The following MPP2 variants were observed in gnomAD, a reference collection of about 807,000 sequenced individuals.
MPP2 encodes MAGUK p55 subfamily member 2.
A neutral mutation model predicts 58.5 loss-of-function variants in MPP2; 42 were observed. The observed-to-expected ratio is 0.72, with a 90% CI of 0.56 to 0.93. The LOEUF is 0.93. Ranked by LOEUF, MPP2 falls within the 40% of genes least tolerant of loss-of-function variation. The probability of loss-of-function intolerance (pLI) is 0.00; values close to 1 mark genes in which losing one functional copy is unlikely to be tolerated. For missense variants in MPP2, 632 were observed against 760.4 expected, an observed-to-expected ratio of 0.83 and a Z score of 1.99; for synonymous variants, 300 against 307.8, an observed-to-expected ratio of 0.97 and a Z score of 0.26.
At chr17:43,909,514 A>G (rs1289146002), upstream of MPP2, 1 of 1,301,786 alleles carries the variant, frequency 7.7e-7, no homozygotes, top group Non-Finnish European at 1.0e-6. Context: ...ACAAGATATT[A>G]ATTACTTCTT....
At chr17:43,906,080 C>T in intron 1 of MPP2, 14 of 984,938 alleles carry the variant, frequency 1.4e-5, no homozygotes, top group Non-Finnish European at 1.7e-5. Context: ...CCTTGATGAC[C>T]TGGAGCCTTC....
chr17:43,880,047 T>C lies in MPP2; in HGVS notation c.1151-63A>G, dbSNP rs974563623. On this transcript the variant is annotated intron_variant, in intron 10 of 12. Transcript: ENST00000269095. This position sits in a 1 kb window ranked among gnomAD's most constrained non-coding sequence, Gnocchi z 5.2. ...GGCAGGTTACAGTGCCTCAGACACA[T>C]ATATGCACCCCTACCCAGGCCCCCG... 17 of 1,505,972 alleles carry C rather than the reference T, an allele frequency of 1.1e-5. No homozygotes were observed. The East Asian group carries it at 3.2e-4, about 28-fold the overall frequency. 93.3% of individuals were successfully genotyped at this position (1,505,972 alleles called of 1,614,324 possible).
chr17:43,878,690 T>A (rs1248716505), intron 12 of MPP2, among the ~76,000 whole-genome samples: 1 of 152,192 alleles, frequency 6.6e-6, no homozygotes, highest in Non-Finnish European at 1.5e-5. Context: ...GGGGCCGGAA[T>A]GCTGCAGCAC....
chr17:43,881,247 A>G lies in MPP2; in HGVS notation c.916T>C (p.Ser306Pro). The G allele has an allele frequency of 1.2e-6, 2 of 1,613,756 alleles. No individual in the cohort carries two copies. The highest frequency in any genetic ancestry group is 4.5e-5 in the East Asian group (2 of 44,858). ...VKRDLELTPN[S>P]GTLCGSLSGK... is the part of the protein sequence containing the mutation. ...TGGGGTAGGGGGGACCTCCTACCTG[A>G]GTTTGGTGTCAGCTCCAGGTCCCTC... Residue 306 changes from serine (S) to proline (P), a missense_variant, in exon 8 of 13, where the codon TCA becomes CCA. By Grantham distance (74) the Ser-to-Pro change is moderately conservative. Coordinates refer to ENST00000269095, the MANE Select transcript of MPP2 (RefSeq NM_005374.5).
In MPP2 at chr17:43,881,112, C is replaced by T; in HGVS notation, c.966G>A (p.Met322Ile). The T allele has an allele frequency of 6.2e-7, 1 of 1,613,906 alleles. No homozygotes were observed. The highest frequency in any genetic ancestry group is 8.5e-7 in the Non-Finnish European group (1 of 1,179,976). Residue 322 changes from methionine (M) to isoleucine (I), a missense_variant, in exon 9 of 13, where the codon ATG becomes ATA. Coordinates refer to ENST00000269095, the MANE Select transcript of MPP2 (RefSeq NM_005374.5). ...CACCTGCATTCTTGGTGGTCAAATA[C>T]ATCATTCGCTTCTTTTTCTTTCCTG... ...SLSGKKKKRM[M>I]YLTTKNAEFD...
rs752490445 is a variant in MPP2, at chr17:43,883,344, C to G, written c.162G>C (p.Arg54Ser). 10 of 1,611,596 alleles carry G rather than the reference C, an allele frequency of 6.2e-6. No homozygotes were observed. The Middle Eastern group carries it at 1.2e-3, about 186-fold the overall frequency. Reference sequence around the variant, plus strand: ...CGGCCTCCAGCTTCGTCTCCTCCAGCCTCTCATGGGCCTGGGGGTGGAAGC... The same window carrying G: ...CGGCCTCCAGCTTCGTCTCCTCCAGGCTCTCATGGGCCTGGGGGTGGAAGC... ...IVRSLAKAHE[R>S]LEETKLEAVR... is the part of the protein sequence containing the mutation. Residue 54 changes from arginine (R) to serine (S), a missense_variant, in exon 4 of 13, where the codon AGG becomes AGC. By Grantham distance (110) the Arg-to-Ser change is moderately radical. Transcript: ENST00000269095.
chr17:43,877,581 A>T lies in MPP2; in HGVS notation c.*226T>A, dbSNP rs761476970. 3.0e-5 allele frequency: 17 copies of T among 559,710 alleles called. No homozygotes were observed. Among genetic ancestry groups the T allele is most frequent in the Non-Finnish European group, 5.1e-5 (16 of 311,326 alleles). The allele number at this position is 559,710 out of a possible 1,614,324, so 34.7% of individuals were successfully genotyped here. On this transcript the variant is annotated 3_prime_UTR_variant, in exon 13 of 13. Transcript: ENST00000269095. Reference sequence around the variant, plus strand: ...CAGAGATATCTGGTGACCAATGGGCATCAGGAGTGGGCAGCACCTGGGCAC... The same window carrying T: ...CAGAGATATCTGGTGACCAATGGGCTTCAGGAGTGGGCAGCACCTGGGCAC...
At chr17:43,894,938 G>A (rs1773449623) in intron 3 of MPP2, among the ~76,000 whole-genome samples, 1 of 151,688 alleles carries the variant, frequency 6.6e-6, no homozygotes, top group Non-Finnish European at 1.5e-5. Flanking sequence ...ATAAGACCCT[G>A]TCTAAAAAAA....
Position 43,879,290 on chromosome 17 carries a change from G to A in MPP2, c.1467C>T (p.Ser489=). 1 of 1,613,046 alleles carries A rather than the reference G, an allele frequency of 6.2e-7. No homozygotes were observed. The highest frequency in any genetic ancestry group is 8.5e-7 in the Non-Finnish European group (1 of 1,179,110). ...MNRAALESGI[S]TKQLTEADLR... The stretch of plus-strand genomic sequence containing the variant: ...GAGCCCTCACCGTGAGCTGCTTGGT[G>A]GATATTCCACTCTCCAGCGCAGCCC... Residue 489 remains serine (S), a synonymous_variant, in exon 12 of 13, where the codon TCC becomes TCT. Transcript: ENST00000269095. The surrounding 1 kb of genome is among the most constrained non-coding windows in gnomAD (Gnocchi z 4.1).
chr17:43,884,225 G>A lies in MPP2; in HGVS notation c.151-870C>T. 3 of 653,544 alleles carry A rather than the reference G, an allele frequency of 4.6e-6. No individual in the cohort carries two copies. In the South Asian group the frequency reaches 5.2e-5, roughly 11 times the overall value. 40.5% of individuals were successfully genotyped at this position (653,544 alleles called of 1,614,324 possible). Reference sequence around the variant, plus strand: ...AGTCCACATTCAAATGTTCACTCTTGTCCCAAAAGTATCCTTTATAATTTT... The same window carrying A: ...AGTCCACATTCAAATGTTCACTCTTATCCCAAAAGTATCCTTTATAATTTT... On this transcript the variant is annotated intron_variant, in intron 3 of 12. Coordinates refer to ENST00000269095, the MANE Select transcript of MPP2 (RefSeq NM_005374.5).
At chr17:43,885,959 A>G (rs1468941373) in intron 3 of MPP2, among the ~76,000 whole-genome samples, 1 of 151,822 alleles carries the variant, frequency 6.6e-6, no homozygotes, top group Non-Finnish European at 1.5e-5. Flanking sequence ...AAAATACAAA[A>G]TTAGCCGGGC....
intron 2 of MPP2, 53 bp from the exon 3 acceptor site, chr17:43,898,433 A>C (rs1162672369): frequency 1.6e-6 from 2 of 1,236,406 alleles, no homozygotes; most frequent in Non-Finnish European, 2.4e-6. Flanking sequence ...GGTACAGAAG[A>C]CCAAAACACA....
In MPP2 at chr17:43,879,817, C is replaced by G. The variant is rs780044204; in HGVS notation, c.1318G>C (p.Ala440Pro). 2 of 1,613,874 alleles carry G rather than the reference C, an allele frequency of 1.2e-6. No homozygotes were observed. The highest frequency in any genetic ancestry group is 1.7e-4 in the Middle Eastern group (1 of 6,056). Residue 440 changes from alanine to proline, a missense_variant, in exon 11 of 13, where the codon GCT (alanine) becomes CCT (proline). Physicochemically the swap from Ala to Pro is conservative, Grantham distance 27. Coordinates refer to ENST00000269095, the MANE Select transcript of MPP2 (RefSeq NM_005374.5). The surrounding 1 kb of genome is among the most constrained non-coding windows in gnomAD (Gnocchi z 4.1). ...RIDSIRGVVAAGKVCVLDVNP... is the reference protein window; with the variant it reads ...RIDSIRGVVAPGKVCVLDVNP... The stretch of plus-strand genomic sequence containing the variant: ...ACATCCAGCACGCACACCTTCCCAG[C>G]AGCGACCACGCCCCGGATGGAGTCA...
At chr17:43,895,124 T>TTTA (rs2047793019) in intron 3 of MPP2, among the ~76,000 whole-genome samples, 2 of 151,998 alleles carry the variant, frequency 1.3e-5, no homozygotes, top group African/African-American at 4.8e-5. Context: ...TTATTTATTT[T>TTTA]TTTTTTTGAG....
chr17:43,879,129 A>G lies in MPP2; in HGVS notation c.1482+146T>C. 1 of 1,000,722 alleles carries G rather than the reference A, an allele frequency of 1.0e-6. No homozygotes were observed. Among genetic ancestry groups the G allele is most frequent in the Non-Finnish European group, 1.5e-6 (1 of 672,190 alleles). The allele number at this position is 1,000,722 out of a possible 1,614,324, so 62.0% of individuals were successfully genotyped here. A position where few individuals can be genotyped will look rare whatever the true frequency, so the allele number is the denominator to read the frequency against. On this transcript the variant is annotated intron_variant, in intron 12 of 12. Coordinates refer to ENST00000269095, the MANE Select transcript of MPP2 (RefSeq NM_005374.5). This position sits in a 1 kb window ranked among gnomAD's most constrained non-coding sequence, Gnocchi z 4.1. The stretch of plus-strand genomic sequence containing the variant: ...CAGACCTCCCCTTCCACATCTATGC[A>G]GGGGGGACCACGTCCTGCCTCACTG...
chr17:43,895,016 A>G (rs1180197389), intron 3 of MPP2, among the ~76,000 whole-genome samples: 4 of 152,202 alleles, frequency 2.6e-5, no homozygotes, highest in Non-Finnish European at 5.9e-5. Flanking sequence ...CATTCAATGA[A>G]ATGACATCAA....
Position 43,880,960 on chromosome 17 carries a change from G to T in MPP2, c.989-108C>A. The T allele has an allele frequency of 6.6e-7, 1 of 1,518,894 alleles. No individual in the cohort carries two copies. The highest frequency in any genetic ancestry group is 9.0e-7 in the Non-Finnish European group (1 of 1,110,932). 94.1% of individuals were successfully genotyped at this position (1,518,894 alleles called of 1,614,324 possible). ...GCTTGGAACAGGGGAGCAGGGGGGA[G>T]TCGGGCAGGGCCTAGGGACACGGCT... On this transcript the variant is annotated intron_variant, in intron 9 of 12. Transcript: ENST00000269095. This position sits in a 1 kb window ranked among gnomAD's most constrained non-coding sequence, Gnocchi z 5.2.
Position 43,882,917 on chromosome 17 carries a change from C to A in MPP2, c.439G>T (p.Ala147Ser). Residue 147 changes from alanine to serine, a missense_variant, in exon 5 of 13, where the codon GCC becomes TCC. Physicochemically the swap from Ala to Ser is moderately conservative, Grantham distance 99. Coordinates refer to ENST00000269095, the MANE Select transcript of MPP2 (RefSeq NM_005374.5). ...AVRMVGIRKTAGEHLGVTFRV... is the reference protein window; with the variant it reads ...AVRMVGIRKTSGEHLGVTFRV... ...CCAGTCCTCACCAGATGTTCTCCGG[C>A]TGTCTTGCGGATGCCCACCATGCGC... is the stretch of plus-strand genomic sequence containing the variant. 1 of 1,614,162 alleles carries A rather than the reference C, an allele frequency of 6.2e-7. No homozygotes were observed. The highest frequency in any genetic ancestry group is 8.5e-7 in the Non-Finnish European group (1 of 1,180,034).
intron 4 of MPP2, 71 bp from the exon 5 acceptor site, chr17:43,883,123 T>C (rs1337935419): frequency 3.9e-6 from 6 of 1,556,746 alleles, no homozygotes; most frequent in Non-Finnish European, 5.2e-6. Flanking sequence ...AGATCCAACT[T>C]CCTGCTGGCC....
Sources: gnomAD v4.1 joint callset for allele counts (sites outside exome capture counted in the v4.1 genomes callset) on GRCh38, gnomAD v4.1.1 for gene constraint, Gnocchi (gnomAD v3.1) non-coding constraint, MANE v1.5 for transcripts, NCBI Gene and HGNC (gene_info 2026-07-23, HGNC 2026-07-21) for gene names.